Variants in ANTXR2 observed in about 807,000 individuals in gnomAD.
ANTXR2 encodes the protein anthrax toxin receptor 2.
A neutral mutation model predicts 73.7 loss-of-function variants in ANTXR2; 44 were observed. The observed-to-expected ratio is 0.60, with a 90% CI of 0.47 to 0.77. The LOEUF (loss-of-function observed/expected upper bound fraction) is 0.77. Among genes scored for constraint, ANTXR2 ranks in the 30% least tolerant of loss-of-function variants. The probability of loss-of-function intolerance (pLI) is 0.00; values close to 1 mark genes in which losing one functional copy is unlikely to be tolerated. For missense variants in ANTXR2, 604 were observed against 592.5 expected (o/e 1.02, Z -0.20); for synonymous variants, 217 against 205.9 (o/e 1.05, Z -0.46).
At chr4:80,062,500 C>T (rs769586105) in intron 3 of ANTXR2, among the ~76,000 whole-genome samples, 1 of 152,194 alleles carries the variant, frequency 6.6e-6, no homozygotes, top group Non-Finnish European at 1.5e-5. Flanking sequence ...AAAGTGACTG[C>T]TAACATGTCC....
chr4:79,996,279 T>C (rs926713523), intron 12 of ANTXR2, among the ~76,000 whole-genome samples: 2 of 151,522 alleles, frequency 1.3e-5, no homozygotes, highest in Admixed American at 1.3e-4. Flanking sequence ...TAGTTGTTAC[T>C]TACTTGCATG....
At chr4:80,060,424 AC>A (rs1734192310) in intron 3 of ANTXR2, among the ~76,000 whole-genome samples, 1 of 152,192 alleles carries the variant, frequency 6.6e-6, no homozygotes, top group Non-Finnish European at 1.5e-5. Context: ...GTTTTGAATT[AC>A]CTATTTTGCC....
chr4:79,904,306 C>A lies in ANTXR2; in HGVS notation c.*3123G>T, dbSNP rs1726824037. ...AAATATAAGCAAACTACTTCTTTCT[C>A]TAACAATCTGAAATACATGGGGGTT... On this transcript the variant is annotated 3_prime_UTR_variant, in exon 17 of 17. Coordinates refer to ENST00000403729, the MANE Select transcript of ANTXR2 (RefSeq NM_058172.6). 1 of 152,010 alleles carries A rather than the reference C, an allele frequency of 6.6e-6. No individual in the cohort carries two copies. Among genetic ancestry groups the A allele is most frequent in the Non-Finnish European group, 1.5e-5 (1 of 67,980 alleles). 9.4% of individuals were successfully genotyped at this position (152,010 alleles called of 1,614,324 possible). A position where few individuals can be genotyped will look rare whatever the true frequency, so the allele number is the denominator to read the frequency against.
chr4:79,910,507 C>CAAAAAAAA (rs144527286), intron 16 of ANTXR2, among the ~76,000 whole-genome samples: 5 of 95,628 alleles, frequency 5.2e-5, no homozygotes, highest in African/African-American at 8.1e-5. Flanking sequence ...GACTCCGTCT[C>CAAAAAAAA]AAAAAAAAAA....
intron 12 of ANTXR2, among the ~76,000 whole-genome samples, chr4:80,003,908 C>T (rs1731176954): frequency 6.6e-6 from 1 of 152,040 alleles, no homozygotes; most frequent in African/African-American, 2.4e-5. Context: ...TCACAGATGG[C>T]ATTTACCTAG....
Position 79,977,700 on chromosome 4 carries a change from C to T in ANTXR2, c.1349G>A (p.Gly450Asp), listed in dbSNP as rs369528902. ...CAAAGCCCAGAGAGCATCAAGACGA[C>T]CCTAAGGGAAAATGAGATTTGTGAA... ...PQTKWYTPIK[G>D]RLDALWALLR... The change falls in exon 16 of 17, where the codon GGT becomes GAT. Residue 450 changes from glycine (G) to aspartate (D), a missense_variant and splice_region_variant. Coordinates refer to ENST00000403729, the MANE Select transcript of ANTXR2 (RefSeq NM_058172.6). 13 of 1,570,422 alleles carry T rather than the reference C, an allele frequency of 8.3e-6. No homozygotes were observed. Among genetic ancestry groups the T allele is most frequent in the Non-Finnish European group, 1.1e-5 (13 of 1,157,478 alleles).
In ANTXR2 at chr4:80,055,426, G is replaced by T; in HGVS notation, c.420C>A (p.Ser140=). 1 of 1,610,944 alleles carries T rather than the reference G, an allele frequency of 6.2e-7. No homozygotes were observed. Among genetic ancestry groups the T allele is most frequent in the African/African-American group, 1.3e-5 (1 of 74,812 alleles). The part of the protein sequence containing the change: ...QIQKAGGLKT[S]SIIIALTDGK... ...CATCTGTCAGAGCAATTATGATACT[G>T]GAGGTTTTCAAGCCTCCTGCTTTCT... The change falls in exon 5 of 17, where the codon TCC becomes TCA. Residue 140 remains serine, a synonymous_variant. Transcript: ENST00000403729.
chr4:79,907,236 AG>A lies in ANTXR2; in HGVS notation c.*192del. The A allele has an allele frequency of 1.6e-6, 1 of 636,042 alleles. No homozygotes were observed. The highest frequency in any genetic ancestry group is 2.7e-6 in the Non-Finnish European group (1 of 364,582). The allele number at this position is 636,042 out of a possible 1,614,324, so 39.4% of individuals were successfully genotyped here. On this transcript the variant is annotated 3_prime_UTR_variant, in exon 17 of 17. Coordinates refer to ENST00000403729, the MANE Select transcript of ANTXR2 (RefSeq NM_058172.6). The stretch of plus-strand genomic sequence containing the variant: ...CACTGAGTTTCATCACCTCCCATGT[AG>A]ATGGCAGAACAAGTGTTTAGAAATG...
At chr4:79,989,551 A>G (rs551507855) in intron 12 of ANTXR2, among the ~76,000 whole-genome samples, 1 of 152,074 alleles carries the variant, frequency 6.6e-6, no homozygotes, top group Non-Finnish European at 1.5e-5. Flanking sequence ...TCTACCAGAC[A>G]TATAGAGAAG....
chr4:79,946,683 C>T (rs1160782487), intron 16 of ANTXR2, among the ~76,000 whole-genome samples: 1 of 152,094 alleles, frequency 6.6e-6, no homozygotes, highest in Non-Finnish European at 1.5e-5. Flanking sequence ...GTACCCACTA[C>T]AGTTATATTG....
chr4:79,914,632 G>A (rs1727276839), intron 16 of ANTXR2, among the ~76,000 whole-genome samples: 3 of 152,058 alleles, frequency 2.0e-5, no homozygotes, highest in Admixed American at 2.0e-4. Context: ...GAGGTACTCT[G>A]TAGATACCTC....
chr4:79,973,130 G>A (rs1238639634), intron 16 of ANTXR2, among the ~76,000 whole-genome samples: 1 of 151,930 alleles, frequency 6.6e-6, no homozygotes, highest in East Asian at 1.9e-4. Context: ...GGAAGGTGGG[G>A]AGGAAGGGAA....
At position 80,018,990 on chromosome 4, in the gene ANTXR2, G is replaced by C. The variant is rs754092151; in HGVS notation, c.867-14C>G. On this transcript the variant is annotated splice_polypyrimidine_tract_variant and intron_variant, in intron 10 of 16. Transcript: ENST00000403729. ...ACATCAAGAGTTCTGAAAAAGAAAA[G>C]AAACAATAATTTTATATACATTTAA... The C allele has an allele frequency of 2.2e-5, 32 of 1,449,232 alleles. No individual in the cohort carries two copies. The South Asian group carries it at 4.1e-4, about 18-fold the overall frequency. The allele number at this position is 1,449,232 out of a possible 1,614,324, so 89.8% of individuals were successfully genotyped here. A position where few individuals can be genotyped will look rare whatever the true frequency, so the allele number is the denominator to read the frequency against.
intron 12 of ANTXR2, among the ~76,000 whole-genome samples, chr4:80,002,270 A>T (rs1731084140): frequency 1.3e-5 from 2 of 151,948 alleles, no homozygotes; most frequent in African/African-American, 4.8e-5. Context: ...TCTACAACTA[A>T]CCGATCTTTG....
intron 10 of ANTXR2, among the ~76,000 whole-genome samples, chr4:80,031,263 CATGCACACACATGTGT>C (rs1732677458): frequency 3.3e-5 from 2 of 61,350 alleles, no homozygotes; most frequent in South Asian, 1.0e-3. Flanking sequence ...TGGGTGTGTG[CATGCACACACATGTGT>C]GTGCGTGTGC....
At chr4:79,975,614 ACT>A (rs1378066543) in intron 16 of ANTXR2, among the ~76,000 whole-genome samples, 2 of 152,236 alleles carry the variant, frequency 1.3e-5, no homozygotes, top group East Asian at 3.8e-4. Context: ...GAACAAATAA[ACT>A]AGTGTCTAAC....
At chr4:80,007,624 G>A (rs1044907901) in intron 12 of ANTXR2, among the ~76,000 whole-genome samples, 2 of 152,136 alleles carry the variant, frequency 1.3e-5, no homozygotes, top group African/African-American at 4.8e-5. Flanking sequence ...TAAAACTGGA[G>A]GACCTTTCCC....
chr4:79,977,656 G>A lies in ANTXR2; in HGVS notation c.1393C>T (p.Arg465Trp), dbSNP rs368288611. Residue 465 changes from arginine to tryptophan, a missense_variant, in exon 16 of 17, where the codon CGG (arginine) becomes TGG (tryptophan). By Grantham distance (101) the Arg-to-Trp change is moderately radical. Transcript: ENST00000403729. ...LWALLRRQYD[R>W]VSLMRPQEGD... Reference sequence around the variant, plus strand: ...TCCTGAGGTCGCATCAAAGAAACCCGGTCATACTGCCGCCTCAACAAAGCC... The same window carrying A: ...TCCTGAGGTCGCATCAAAGAAACCCAGTCATACTGCCGCCTCAACAAAGCC... 24 of 1,581,784 alleles carry A rather than the reference G, an allele frequency of 1.5e-5. No homozygotes were observed. The African/African-American group carries it at 1.6e-4, about 11-fold the overall frequency.
intron 16 of ANTXR2, among the ~76,000 whole-genome samples, chr4:79,917,823 AAAG>A (rs1189007227): frequency 1.3e-5 from 2 of 152,234 alleles, no homozygotes; most frequent in Non-Finnish European, 2.9e-5. Flanking sequence ...TGGTACACAC[AAAG>A]AAGCATAAAA....
Sources: gnomAD v4.1 joint callset for allele counts (sites outside exome capture counted in the v4.1 genomes callset) on GRCh38, gnomAD v4.1.1 for gene constraint, MANE v1.5 for transcripts, NCBI Gene and HGNC (gene_info 2026-07-23, HGNC 2026-07-21) for gene names.